Variants in PDE7A observed in about 807,000 individuals in gnomAD.
PDE7A encodes the protein phosphodiesterase 7A.
Under a neutral mutation model 64.3 loss-of-function variants are expected in PDE7A, and 39 were observed. The observed-to-expected ratio is 0.61, with a 90% CI of 0.47 to 0.79. The LOEUF (loss-of-function observed/expected upper bound fraction) is 0.79. Among genes scored for constraint, PDE7A ranks in the 30% least tolerant of loss-of-function variants. PDE7A has a pLI of 0.00. For synonymous variants in PDE7A, 203 were observed against 206.8 expected (o/e 0.98, Z 0.16); for missense variants, 470 against 582.8 (o/e 0.81, Z 1.99).
At chr8:65,801,520 A>C (rs1358906683) in intron 1 of PDE7A, among the ~76,000 whole-genome samples, 1 of 152,124 alleles carries the variant, frequency 6.6e-6, no homozygotes, top group South Asian at 2.1e-4. Flanking sequence ...AAAGCCAAGG[A>C]CCTGACCAAA....
chr8:65,736,637 G>C (rs1353114189), intron 6 of PDE7A, among the ~76,000 whole-genome samples: 1 of 151,846 alleles, frequency 6.6e-6, no homozygotes, highest in Non-Finnish European at 1.5e-5. Flanking sequence ...TATATTCCTA[G>C]CTACTCGGGA....
intron 1 of PDE7A, among the ~76,000 whole-genome samples, chr8:65,828,864 A>G (rs1216559415): frequency 6.6e-6 from 1 of 151,984 alleles, no homozygotes; most frequent in Non-Finnish European, 1.5e-5. Context: ...GTTTTGCTAC[A>G]TTTATATTTC....
chr8:65,800,566 C>CT (rs1198667661), intron 1 of PDE7A, among the ~76,000 whole-genome samples: 7 of 152,204 alleles, frequency 4.6e-5, no homozygotes, highest in African/African-American at 1.7e-4. Flanking sequence ...GTCCTCCCTG[C>CT]TTAGCACTCT....
intron 7 of PDE7A, chr8:65,728,476 A>C (rs1214034044): frequency 6.6e-6 from 1 of 152,254 alleles, no homozygotes; most frequent in Non-Finnish European, 1.5e-5. Context: ...GCAGAGATGC[A>C]TATTATTTAT....
chr8:65,745,318 C>A (rs74936999), intron 5 of PDE7A, 89 bp downstream of exon 5: 18,970 of 786,490 alleles, frequency 0.024, 711 homozygotes, highest in African/African-American at 0.14. Context: ...AACCTTAGTA[C>A]AGTAAATGAA....
intron 1 of PDE7A, among the ~76,000 whole-genome samples, chr8:65,818,757 C>G (rs540627133): frequency 2.0e-5 from 3 of 152,282 alleles, no homozygotes; most frequent in East Asian, 3.9e-4. Flanking sequence ...ACATGCACAG[C>G]CTCATCCAGG....
intron 1 of PDE7A, among the ~76,000 whole-genome samples, chr8:65,836,144 C>A (rs938062658): frequency 3.3e-5 from 5 of 152,220 alleles, no homozygotes; most frequent in African/African-American, 1.2e-4. Context: ...GGGTATCCCA[C>A]TCACTGGCCA....
chr8:65,725,886 TAC>T (rs1329920984), intron 9 of PDE7A, among the ~76,000 whole-genome samples: 1 of 152,176 alleles, frequency 6.6e-6, no homozygotes, highest in Non-Finnish European at 1.5e-5. Flanking sequence ...AATTTACATA[TAC>T]AGTGTGTTTA....
chr8:65,787,790 A>G (rs1170004700), intron 1 of PDE7A, among the ~76,000 whole-genome samples: 1 of 141,032 alleles, frequency 7.1e-6, no homozygotes, highest in Non-Finnish European at 1.6e-5. Context: ...AGGGGGGGGA[A>G]AAAAAAAAAG....
At position 65,782,802 on chromosome 8, in the gene PDE7A, T is replaced by C. The variant is rs1338383754; in HGVS notation, c.180A>G (p.Ala60=). The C allele has an allele frequency of 1.9e-6, 3 of 1,590,050 alleles. No homozygotes were observed. The highest frequency in any genetic ancestry group is 2.2e-5 in the East Asian group (1 of 44,674). ...GCTTACCTAGCATACGAATGTATAA[T>C]GCAGTCTGATCAGAACTGTCATAGG... ...AISYDSSDQT[A]LYIRMLGDVR... is the part of the protein sequence containing the mutation. The change falls in exon 2 of 13, where the codon GCA becomes GCG. Residue 60 remains alanine (A), a synonymous_variant. Transcript: ENST00000401827.
At chr8:65,819,617 C>T (rs1214496952) in intron 1 of PDE7A, among the ~76,000 whole-genome samples, 1 of 152,186 alleles carries the variant, frequency 6.6e-6, no homozygotes, top group Non-Finnish European at 1.5e-5. Flanking sequence ...CCATGGTACA[C>T]ACAACTGATA....
chr8:65,787,540 C>T (rs761994865), intron 1 of PDE7A, among the ~76,000 whole-genome samples: 1 of 152,166 alleles, frequency 6.6e-6, no homozygotes, highest in Admixed American at 6.5e-5. Context: ...TTGCACTGAT[C>T]TACCAAACAG....
At chr8:65,766,118 G>C (rs1287369005) in intron 3 of PDE7A, among the ~76,000 whole-genome samples, 2 of 152,004 alleles carry the variant, frequency 1.3e-5, no homozygotes, top group African/African-American at 4.8e-5. Context: ...GCTAATTTTT[G>C]TATTTTTAGT....
rs533422510 is a variant in PDE7A, at chr8:65,768,288, T to A, written c.283+11432A>T. 5.9e-5 allele frequency among the ~76,000 whole-genome samples: 9 copies of A among 152,340 alleles called. No individual in the cohort carries two copies. In the South Asian group the frequency reaches 1.9e-3, roughly 32 times the overall value. On this transcript the variant is annotated intron_variant, in intron 3 of 12. Coordinates refer to ENST00000401827, the MANE Select transcript of PDE7A (RefSeq NM_001242318.3). ...GCCACTAGTATAATTCTGATATGGT[T>A]TGGCTGTGCCCCCACCCAAATCTCA...
chr8:65,736,411 C>T (rs977792594), intron 6 of PDE7A, among the ~76,000 whole-genome samples: 3 of 152,290 alleles, frequency 2.0e-5, no homozygotes, highest in Admixed American at 6.5e-5. Context: ...TAAAGGCGGA[C>T]TACTGTACAG....
At chr8:65,774,993 G>C (rs1234470305) in intron 3 of PDE7A, among the ~76,000 whole-genome samples, 1 of 152,102 alleles carries the variant, frequency 6.6e-6, no homozygotes, top group Non-Finnish European at 1.5e-5. Flanking sequence ...AAGTACTGCT[G>C]GATTAATTTA....
intron 1 of PDE7A, among the ~76,000 whole-genome samples, chr8:65,831,067 A>G (rs1390335826): frequency 1.3e-5 from 2 of 152,166 alleles, no homozygotes; most frequent in East Asian, 3.8e-4. Flanking sequence ...ACCAGAAATT[A>G]CATCATTTAT....
At chr8:65,781,341 G>A (rs1358623428) in intron 2 of PDE7A, among the ~76,000 whole-genome samples, 2 of 152,108 alleles carry the variant, frequency 1.3e-5, no homozygotes, top group African/African-American at 4.8e-5. Context: ...GGGAACTGGT[G>A]GGGGTGGGGT....
intron 3 of PDE7A, among the ~76,000 whole-genome samples, chr8:65,775,178 T>G (rs1809224921): frequency 6.6e-6 from 1 of 152,228 alleles, no homozygotes. Flanking sequence ...TTAGCTCCAT[T>G]CAATCTTTAA....
Sources: allele counts gnomAD v4.1 joint callset (sites outside exome capture counted in the v4.1 genomes callset), GRCh38; gene constraint gnomAD v4.1.1; transcripts MANE v1.5; gene names NCBI Gene and HGNC (gene_info 2026-07-23, HGNC 2026-07-21).